Variants in MGAT5B observed in about 807,000 individuals in gnomAD.
MGAT5B encodes the protein N-acetylglucosaminyl-transferase Vb.
In MGAT5B, 54 loss-of-function variants were observed where a neutral mutation model predicts 95.1. The observed-to-expected ratio is 0.57, with a 90% confidence interval of 0.46 to 0.71. MGAT5B has a LOEUF of 0.71. Ranked by LOEUF, MGAT5B falls within the 30% of genes least tolerant of loss-of-function variation. MGAT5B has a pLI of 0.00. For missense variants in MGAT5B, 935 were observed against 1,088.6 expected, an observed-to-expected ratio of 0.86 and a Z score of 1.99; for synonymous variants, 464 against 451.0, an observed-to-expected ratio of 1.03 and a Z score of -0.36.
chr17:76,928,182 C>G (rs550948965), intron 10 of MGAT5B, among the ~76,000 whole-genome samples: 54 of 152,210 alleles, frequency 3.5e-4, no homozygotes, highest in African/African-American at 1.3e-3. Context: ...GGTCACACAG[C>G]TCAGTCGGGA....
At chr17:76,943,821 G>A (rs1480003311) in intron 15 of MGAT5B, 1 of 152,216 alleles carries the variant, frequency 6.6e-6, no homozygotes, top group Non-Finnish European at 1.5e-5. Context: ...CATGGGGAGT[G>A]GCTTGTTCTG....
At chr17:76,885,415 A>C (rs1437315632) in intron 3 of MGAT5B, among the ~76,000 whole-genome samples, 1 of 152,068 alleles carries the variant, frequency 6.6e-6, no homozygotes, top group Non-Finnish European at 1.5e-5. Flanking sequence ...GTCTCTGTTG[A>C]GGATATTGCT....
In MGAT5B at chr17:76,906,160, TCA is replaced by T; in HGVS notation, c.1001_1002del (p.Thr334SerfsTer9). The T allele has an allele frequency of 1.9e-6, 3 of 1,605,304 alleles. No individual in the cohort carries two copies. The highest frequency in any genetic ancestry group is 2.5e-6 in the Non-Finnish European group (3 of 1,176,488). On this transcript the variant is annotated frameshift_variant, in exon 8 of 18. Transcript: ENST00000569840. LOFTEE classifies it high-confidence loss of function. This position sits in a 1 kb window ranked among gnomAD's most constrained non-coding sequence, Gnocchi z 4.6. ...TATGTCCTGGGCCATGGCCTGCGGG[TCA>T]CAGTCTCCCTGAAGGAGCTGCAGAG...
chr17:76,948,279 G>T (rs1970098341), intron 17 of MGAT5B, among the ~76,000 whole-genome samples, 193 bp downstream of exon 17: 1 of 152,152 alleles, frequency 6.6e-6, no homozygotes, highest in Non-Finnish European at 1.5e-5. Flanking sequence ...CCTACTCTTG[G>T]CCAAACCCTA....
At chr17:76,881,044 A>G (rs916019164) in intron 2 of MGAT5B, among the ~76,000 whole-genome samples, 1 of 152,064 alleles carries the variant, frequency 6.6e-6, no homozygotes, top group Non-Finnish European at 1.5e-5. Context: ...CCTGATCCAT[A>G]GGGGTTTGGG....
intron 5 of MGAT5B, 105 bp downstream of exon 5, chr17:76,903,481 A>G: frequency 1.3e-6 from 1 of 798,674 alleles, no homozygotes; most frequent in Non-Finnish European, 1.9e-6. Context: ...CCTCAGGGAA[A>G]CAGCTTCTCT....
Position 76,938,277 on chromosome 17 carries a change from C to T in MGAT5B, c.1584+134C>T. On this transcript the variant is annotated intron_variant, in intron 13 of 17. Coordinates refer to ENST00000569840, the MANE Select transcript of MGAT5B (RefSeq NM_001199172.2). This position sits in a 1 kb window ranked among gnomAD's most constrained non-coding sequence, Gnocchi z 4.3. ...CCAGCATGCTCTGCTGCCCTGAGCC[C>T]CACATCTGGCCAGAGCCCAGGGGCA... 1 of 1,209,738 alleles carries T rather than the reference C, an allele frequency of 8.3e-7. No homozygotes were observed. The highest frequency in any genetic ancestry group is 1.1e-6 in the Non-Finnish European group (1 of 871,064). 74.9% of individuals were successfully genotyped at this position (1,209,738 alleles called of 1,614,324 possible).
rs1288968653 is a variant in MGAT5B, at chr17:76,868,936, C to G, written c.-94C>G. ...GCTTCGCTCGGACGCGGCTTCGGCC[C>G]GCAGAGGGTTCGTGGCCCGGACGCG... On this transcript the variant is annotated 5_prime_UTR_variant, in exon 1 of 18. Transcript: ENST00000569840. The surrounding 1 kb of genome is among the most constrained non-coding windows in gnomAD (Gnocchi z 6.3). The G allele has an allele frequency of 4.7e-6, 6 of 1,286,224 alleles. No individual in the cohort carries two copies. The highest frequency in any genetic ancestry group is 5.0e-5 in the East Asian group (2 of 40,164). The allele number at this position is 1,286,224 out of a possible 1,614,324, so 79.7% of individuals were successfully genotyped here.
chr17:76,944,321 A>G (rs1969966746), intron 15 of MGAT5B: 1 of 152,360 alleles, frequency 6.6e-6, no homozygotes, highest in Non-Finnish European at 1.5e-5. Flanking sequence ...GCTTACAGAC[A>G]CAGGAGCAAG....
At chr17:76,884,638 C>T (rs1304473471) in intron 3 of MGAT5B, among the ~76,000 whole-genome samples, 4 of 146,886 alleles carry the variant, frequency 2.7e-5, no homozygotes, top group African/African-American at 2.6e-5. Flanking sequence ...AAGTCTCGCA[C>T]TGTTGCCCAG....
rs369824899 is a variant in MGAT5B, at chr17:76,926,579, G to T, written c.1158-18G>T. On this transcript the variant is annotated intron_variant, in intron 9 of 17. Transcript: ENST00000569840. ...GGGGAGGTTGCTGACCCTGGTTCCT[G>T]GTCCCCTGGGGGGGCAGGTGCCGAA... 32 of 1,601,736 alleles carry T rather than the reference G, an allele frequency of 2.0e-5. No homozygotes were observed. In the Middle Eastern group the frequency reaches 2.1e-3, roughly 105 times the overall value.
At chr17:76,932,101 C>T (rs968733117) in intron 10 of MGAT5B, among the ~76,000 whole-genome samples, 18 of 112,604 alleles carry the variant, frequency 1.6e-4, no homozygotes, top group African/African-American at 3.8e-4. Context: ...CCCCCTTCTT[C>T]GTCTTTGTCT....
chr17:76,891,617 C>A (rs867500744), intron 3 of MGAT5B, among the ~76,000 whole-genome samples: 2 of 152,134 alleles, frequency 1.3e-5, no homozygotes, highest in Non-Finnish European at 2.9e-5. Context: ...TGAGCTCAGG[C>A]GATCTGCCCG....
intron 3 of MGAT5B, among the ~76,000 whole-genome samples, chr17:76,887,322 C>T (rs1455179142): frequency 6.6e-6 from 1 of 152,078 alleles, no homozygotes; most frequent in Non-Finnish European, 1.5e-5. Flanking sequence ...TGCCCCATCC[C>T]TCAGCAAATT....
chr17:76,899,576 G>T (rs1200240261), intron 3 of MGAT5B, among the ~76,000 whole-genome samples: 1 of 152,180 alleles, frequency 6.6e-6, no homozygotes, highest in Non-Finnish European at 1.5e-5. Context: ...GGTTGAGACT[G>T]CAGTGAGCCA....
intron 3 of MGAT5B, among the ~76,000 whole-genome samples, chr17:76,900,026 C>T (rs1047907493): frequency 6.6e-6 from 1 of 152,166 alleles, no homozygotes; most frequent in Non-Finnish European, 1.5e-5. Flanking sequence ...TGCCGCTGGC[C>T]ACGCACTTTA....
At position 76,869,063 on chromosome 17, in the gene MGAT5B, G is replaced by C. The variant is rs1317406791; in HGVS notation, c.34G>C (p.Val12Leu). Residue 12 changes from valine to leucine, a missense_variant, in exon 1 of 18, where the codon GTC becomes CTC. Physicochemically the swap from Val to Leu is conservative, Grantham distance 32 (BLOSUM62 1). This residue lies in a region of MGAT5B where 243 missense variants were observed against 228.2 expected (regional missense o/e 1.06). Coordinates refer to ENST00000569840, the MANE Select transcript of MGAT5B (RefSeq NM_001199172.2). This position sits in a 1 kb window ranked among gnomAD's most constrained non-coding sequence, Gnocchi z 7.0. ...CGTCAACCCCGATGGGAAGATAATG[G>C]TCAGAAGATGCCTGGTCACCCTGAG... Reference protein sequence around the residue: ...ITVNPDGKIMVRRCLVTLRPF... With the variant: ...ITVNPDGKIMLRRCLVTLRPF... 1 of 1,614,116 alleles carries C rather than the reference G, an allele frequency of 6.2e-7. No individual in the cohort carries two copies. Among genetic ancestry groups the C allele is most frequent in the Non-Finnish European group, 8.5e-7 (1 of 1,179,988 alleles).
rs2145214372 is a variant in MGAT5B, at chr17:76,914,770, T to C, written c.1025+8583T>C. ...CTCCTGCCTCAGCCTCCCGAGTAGC[T>C]GGGACTACAGGAATGTGCCACCATG... On this transcript the variant is annotated intron_variant, in intron 8 of 17. Coordinates refer to ENST00000569840, the MANE Select transcript of MGAT5B (RefSeq NM_001199172.2). The surrounding 1 kb of genome is among the most constrained non-coding windows in gnomAD (Gnocchi z 5.1). Among the ~76,000 whole-genome samples the C allele has an allele frequency of 6.6e-6, 1 of 152,294 alleles. No individual in the cohort carries two copies. Among genetic ancestry groups the C allele is most frequent in the South Asian group, 2.1e-4 (1 of 4,826 alleles).
intron 3 of MGAT5B, among the ~76,000 whole-genome samples, chr17:76,893,239 C>T (rs1967944949): frequency 6.6e-6 from 1 of 152,128 alleles, no homozygotes; most frequent in African/African-American, 2.4e-5. Flanking sequence ...GTCCTTGAGG[C>T]TGGGCCTGCG....
Sources: gnomAD v4.1 joint callset for allele counts (sites outside exome capture counted in the v4.1 genomes callset) on GRCh38, gnomAD v4.1.1 for gene constraint, gnomAD v4.1.1 regional missense constraint, Gnocchi (gnomAD v3.1) non-coding constraint, MANE v1.5 for transcripts, NCBI Gene and HGNC (gene_info 2026-07-23, HGNC 2026-07-21) for gene names.